Variants in BID observed in about 807,000 individuals in gnomAD.
BID encodes BH3 interacting domain death agonist.
Under a neutral mutation model 17.4 loss-of-function variants are expected in BID, and 19 were observed. The ratio of observed to expected loss-of-function variants is 1.09; its 90% confidence interval spans 0.76 to 1.60. BID has a LOEUF of 1.60. Among genes scored for constraint, BID ranks in the 40% most tolerant of loss-of-function variants. The pLI, the probability that BID is intolerant of heterozygous loss-of-function variation, is 0.00. For synonymous variants in BID, 108 were observed against 102.8 expected, an observed-to-expected ratio of 1.05 and a Z score of -0.31; for missense variants, 226 against 256.0, an observed-to-expected ratio of 0.88 and a Z score of 0.80.
At chr22:17,767,630 C>G (rs1030454858) in intron 1 of BID, among the ~76,000 whole-genome samples, 1 of 152,288 alleles carries the variant, frequency 6.6e-6, no homozygotes, top group South Asian at 2.1e-4. Flanking sequence ...CTCTGTCATC[C>G]GCCTACAAAG....
chr22:17,757,697 A>AG (rs2061603820), intron 1 of BID, among the ~76,000 whole-genome samples: 1 of 144,748 alleles, frequency 6.9e-6, no homozygotes, highest in Non-Finnish European at 1.5e-5. Flanking sequence ...CGACAGAGCG[A>AG]GACTCCGTCT....
At chr22:17,741,521 T>G (rs1291403055) in intron 3 of BID, among the ~76,000 whole-genome samples, 1 of 151,760 alleles carries the variant, frequency 6.6e-6, no homozygotes, top group African/African-American at 2.4e-5. Flanking sequence ...TTCCCCAAGC[T>G]GGAGTGCAGT....
rs545156683 is a variant in BID, at chr22:17,754,049, C to T, written c.-58-3875G>A. 1.1e-4 allele frequency among the ~76,000 whole-genome samples: 17 copies of T among 151,428 alleles called. No individual in the cohort carries two copies. The South Asian group carries it at 2.1e-3, about 19-fold the overall frequency. On this transcript the variant is annotated intron_variant, in intron 1 of 5. Coordinates refer to ENST00000622694, the MANE Select transcript of BID (RefSeq NM_001196.4). ...ACTCTGCCGGACGGGGGTGACATTC[C>T]CCCAGTCTCCAGGACTCTGCAGGAC...
At chr22:17,752,873 G>A (rs1345399816) in intron 1 of BID, among the ~76,000 whole-genome samples, 1 of 151,522 alleles carries the variant, frequency 6.6e-6, no homozygotes, top group African/African-American at 2.4e-5. Context: ...CACCGTGTTA[G>A]CCAGGATGGT....
intron 5 of BID, 143 bp from the exon 6 acceptor site, chr22:17,735,734 T>C: frequency 1.0e-6 from 1 of 986,762 alleles, no homozygotes; most frequent in Non-Finnish European, 1.5e-6. Flanking sequence ...CCGTGCATCC[T>C]ACTTTTTGCT....
intron 3 of BID, chr22:17,740,050 G>A (rs181384238): frequency 8.1e-5 from 130 of 1,600,310 alleles, no homozygotes; most frequent in Admixed American, 1.7e-4. Context: ...CTCCTCTGGC[G>A]CACAGCCTCC....
At chr22:17,744,698 G>A (rs1414339861) in intron 2 of BID, among the ~76,000 whole-genome samples, 1 of 152,196 alleles carries the variant, frequency 6.6e-6, no homozygotes, top group Non-Finnish European at 1.5e-5. Context: ...GGGCAGCACT[G>A]GCAGCTGCAG....
Position 17,757,503 on chromosome 22 carries a change from TCCAGAC to T in BID, c.-58-7335_-58-7330del, listed in dbSNP as rs1337524857. Among the ~76,000 whole-genome samples the T allele has an allele frequency of 5.2e-3, 773 of 148,330 alleles. 13 individuals carry two copies. Among genetic ancestry groups the T allele is most frequent in the South Asian group, 0.021 (97 of 4,680 alleles). On this transcript the variant is annotated intron_variant, in intron 1 of 5. Coordinates refer to ENST00000622694, the MANE Select transcript of BID (RefSeq NM_001196.4). Reference sequence around the variant, plus strand: ...GCGGGCGGATCACAAGGTCAGGAGATCCAGACCATCCTGGCTAACACGGTGAAACCC... The same window carrying T: ...GCGGGCGGATCACAAGGTCAGGAGATCATCCTGGCTAACACGGTGAAACCC...
At chr22:17,758,393 C>G (rs541929564) in intron 1 of BID, among the ~76,000 whole-genome samples, 18 of 152,364 alleles carry the variant, frequency 1.2e-4, no homozygotes, top group African/African-American at 4.3e-4. Flanking sequence ...AAGGCACAGA[C>G]GCCAGTCCCT....
chr22:17,740,858 A>G (rs181395), intron 3 of BID: 130,956 of 151,964 alleles, frequency 0.86, 56,815 homozygotes, highest in African/African-American at 0.97. Flanking sequence ...TCATACCACT[A>G]CACTCCAGCC....
At position 17,756,258 on chromosome 22, in the gene BID, C is replaced by T. The variant is rs115074606; in HGVS notation, c.-58-6084G>A. 3.1e-3 allele frequency among the ~76,000 whole-genome samples: 471 copies of T among 152,320 alleles called. 1 individual carries two copies. The highest frequency in any genetic ancestry group is 0.011 in the African/African-American group (449 of 41,576). On this transcript the variant is annotated intron_variant, in intron 1 of 5. Transcript: ENST00000622694. ...CGATGTTAAAACCATTCAAAGGAGTCCAAGAACTGTGTGCGCAGGCAACGG... is the reference window on the plus strand; with the variant it reads ...CGATGTTAAAACCATTCAAAGGAGTTCAAGAACTGTGTGCGCAGGCAACGG...
intron 1 of BID, among the ~76,000 whole-genome samples, chr22:17,768,896 G>C (rs1363173043): frequency 7.8e-6 from 1 of 127,664 alleles, no homozygotes; most frequent in Non-Finnish European, 1.7e-5. Context: ...AAAAAAATTA[G>C]CCGGGCGTGG....
intron 5 of BID, among the ~76,000 whole-genome samples, chr22:17,737,339 T>C (rs1485768185): frequency 6.6e-6 from 1 of 152,114 alleles, no homozygotes; most frequent in South Asian, 2.1e-4. Flanking sequence ...GACTACTCGT[T>C]TTGGTTCACA....
rs898303962 is a variant in BID at position 17,739,445 on chromosome 22, G to A, written c.267C>T (p.His89=). ...QEDIIRNIAR[H]LAQVGDSMDR... The stretch of plus-strand genomic sequence containing the variant: ...CCATGCTGTCCCCGACCTGGGCGAG[G>A]TGCCTGGCAATATTCCGGATGATGT... The change falls in exon 4 of 6, where the codon CAC becomes CAT. Residue 89 remains histidine, a synonymous_variant. Coordinates refer to ENST00000622694, the MANE Select transcript of BID (RefSeq NM_001196.4). 6.2e-7 allele frequency: 1 copy of A among 1,612,690 alleles called. No individual in the cohort carries two copies. The highest frequency in any genetic ancestry group is 8.5e-7 in the Non-Finnish European group (1 of 1,179,862).
intron 1 of BID, among the ~76,000 whole-genome samples, chr22:17,760,783 C>T (rs1484298185): frequency 6.6e-6 from 1 of 152,192 alleles, no homozygotes; most frequent in African/African-American, 2.4e-5. Flanking sequence ...ACCAGGCAAT[C>T]CTTTCCCACA....
rs1365271123 is a variant in BID, at chr22:17,751,199, C to T, written c.-58-1025G>A. Among the ~76,000 whole-genome samples, 10 of 150,718 alleles carry T rather than the reference C, an allele frequency of 6.6e-5. 1 individual carries two copies. The South Asian group carries it at 1.1e-3, about 16-fold the overall frequency. On this transcript the variant is annotated intron_variant, in intron 1 of 5. Transcript: ENST00000622694. ...CATCCTGGCTAACAAGGTGAAACCC[C>T]GTCTCTACTAAAAATACAAAAAATT...
intron 1 of BID, among the ~76,000 whole-genome samples, chr22:17,752,289 TG>T (rs1386557442): frequency 6.6e-6 from 1 of 152,102 alleles, no homozygotes; most frequent in African/African-American, 2.4e-5. Flanking sequence ...GAGACATTTA[TG>T]GGGGGTGTGC....
chr22:17,738,202 G>A lies in BID; in HGVS notation c.391C>T (p.Leu131=), dbSNP rs1244411078. Residue 131 remains leucine, a synonymous_variant, in exon 5 of 6, where the codon CTG becomes TTG. Transcript: ENST00000622694. ...EDRNRDLATA[L]EQLLQAYPRD... Reference sequence around the variant, plus strand: ...GGGTAGGCCTGCAGCAGCTGCTCCAGGGCAGTGGCCAGGTCCCTGTTCCGG... The same window carrying A: ...GGGTAGGCCTGCAGCAGCTGCTCCAAGGCAGTGGCCAGGTCCCTGTTCCGG... 12 of 1,611,898 alleles carry A rather than the reference G, an allele frequency of 7.4e-6. No homozygotes were observed. The highest frequency in any genetic ancestry group is 2.0e-4 in the Middle Eastern group (1 of 4,946).
intron 2 of BID, among the ~76,000 whole-genome samples, chr22:17,747,699 G>A (rs750683593): frequency 1.3e-5 from 2 of 152,164 alleles, no homozygotes; most frequent in African/African-American, 2.4e-5. Flanking sequence ...TAAGAGAAAC[G>A]ATCAAGACAG....
Sources: allele counts gnomAD v4.1 joint callset (sites outside exome capture counted in the v4.1 genomes callset), GRCh38; gene constraint gnomAD v4.1.1; transcripts MANE v1.5; gene names NCBI Gene and HGNC (gene_info 2026-07-23, HGNC 2026-07-21).